Variants in RGL1 observed in about 807,000 individuals in gnomAD.
RGL1 encodes the protein ral guanine nucleotide dissociation stimulator-like 1.
In RGL1, 24 loss-of-function variants were observed where a neutral mutation model predicts 95.2. The ratio of observed to expected loss-of-function variants is 0.25; its 90% confidence interval spans 0.18 to 0.35. RGL1 has a LOEUF of 0.35. RGL1 is among the 10% of genes least tolerant of loss of function. The pLI is 1.00. For missense variants in RGL1, 715 were observed against 936.3 expected (o/e 0.76, Z 3.08); for synonymous variants, 329 against 344.9 (o/e 0.95, Z 0.51).
At chr1:183,841,779 T>C (rs1664078060) in intron 2 of RGL1, among the ~76,000 whole-genome samples, 1 of 152,204 alleles carries the variant, frequency 6.6e-6, no homozygotes, top group Non-Finnish European at 1.5e-5. Flanking sequence ...TATGGAGAGA[T>C]GAGCAGAGCT....
At chr1:183,893,519 A>G (rs1459295951) in intron 9 of RGL1, among the ~76,000 whole-genome samples, 1 of 152,232 alleles carries the variant, frequency 6.6e-6, no homozygotes, top group African/African-American at 2.4e-5. Flanking sequence ...CTTAGGGAAG[A>G]TACTTGGAGT....
intron 1 of RGL1, among the ~76,000 whole-genome samples, chr1:183,656,163 TG>T (rs1376319419): frequency 6.6e-6 from 1 of 151,238 alleles, no homozygotes; most frequent in East Asian, 1.9e-4. Context: ...GAAGTCCCCT[TG>T]GCTCTCTAAC....
At chr1:183,747,255 A>C (rs1481441611) in intron 2 of RGL1, among the ~76,000 whole-genome samples, 3 of 152,204 alleles carry the variant, frequency 2.0e-5, no homozygotes, top group African/African-American at 7.2e-5. Flanking sequence ...TGGTTGAACT[A>C]ATTTACACTT....
upstream of RGL1, among the ~76,000 whole-genome samples, chr1:183,803,244 G>T (rs921259279): frequency 5.9e-5 from 9 of 152,194 alleles, no homozygotes; most frequent in South Asian, 8.3e-4. Context: ...ACTGAGTCTG[G>T]ATAAATATGG....
chr1:183,794,771 G>C (rs1349012295), intron 2 of RGL1, among the ~76,000 whole-genome samples: 1 of 152,070 alleles, frequency 6.6e-6, no homozygotes, highest in Admixed American at 6.6e-5. Flanking sequence ...TTCTTCAAAG[G>C]TGGTGGTTAA....
At chr1:183,722,646 C>T (rs1656077149) in intron 1 of RGL1, among the ~76,000 whole-genome samples, 1 of 152,182 alleles carries the variant, frequency 6.6e-6, no homozygotes, top group Non-Finnish European at 1.5e-5. Flanking sequence ...TTTTCGGAAA[C>T]TATGCATGTC....
At chr1:183,705,009 G>A (rs551231920) in intron 1 of RGL1, among the ~76,000 whole-genome samples, 5 of 152,184 alleles carry the variant, frequency 3.3e-5, no homozygotes, top group Admixed American at 6.5e-5. Flanking sequence ...AAGGAGAAAG[G>A]TTTGGTGAGG....
chr1:183,724,662 A>G lies in RGL1; in HGVS notation c.-32-17464A>G, dbSNP rs1192346377. On this transcript the variant is annotated intron_variant, in intron 1 of 18. Coordinates refer to the RGL1 transcript ENST00000304685. The surrounding 1 kb of genome is among the most constrained non-coding windows in gnomAD (Gnocchi z 4.1). ...CACAGCAGCAGTAGAATAGAGCACC[A>G]GGGAGATTCCTAAGATTTCCAACTC... 6.6e-6 allele frequency among the ~76,000 whole-genome samples: 1 copy of G among 152,138 alleles called. No homozygotes were observed. Among genetic ancestry groups the G allele is most frequent in the Non-Finnish European group, 1.5e-5 (1 of 68,026 alleles).
At chr1:183,810,214 T>G (rs773752697) in intron 2 of RGL1, among the ~76,000 whole-genome samples, 2 of 152,224 alleles carry the variant, frequency 1.3e-5, no homozygotes, top group Non-Finnish European at 2.9e-5. Context: ...GTTCATGCTG[T>G]TGTCTTCAGA....
At chr1:183,915,991 TG>T (rs1324091354) in intron 15 of RGL1, among the ~76,000 whole-genome samples, 3 of 152,228 alleles carry the variant, frequency 2.0e-5, no homozygotes, top group Non-Finnish European at 1.5e-5. Flanking sequence ...CCGTATAATC[TG>T]GGGTACTTCT....
At chr1:183,908,582 A>C (rs1354728802) in intron 14 of RGL1, among the ~76,000 whole-genome samples, 1 of 152,116 alleles carries the variant, frequency 6.6e-6, no homozygotes, top group Non-Finnish European at 1.5e-5. Context: ...TCATCTTTGC[A>C]GATATGGGGG....
At chr1:183,849,084 T>A (rs5779191) in intron 3 of RGL1, among the ~76,000 whole-genome samples, 97,308 of 137,768 alleles carry the variant, frequency 0.71, 31,497 homozygotes, top group African/African-American at 0.72. Flanking sequence ...ATTTAAAAAA[T>A]TTTTTTTTTC....
At chr1:183,912,395 G>A (rs1230273490) in intron 15 of RGL1, 127 bp downstream of exon 15, 4 of 764,566 alleles carry the variant, frequency 5.2e-6, no homozygotes, top group Non-Finnish European at 6.0e-6. Flanking sequence ...GTTTTGAACA[G>A]GCATCAAAAG....
intron 2 of RGL1, among the ~76,000 whole-genome samples, chr1:183,829,269 G>A (rs949182608): frequency 2.0e-5 from 3 of 151,752 alleles, no homozygotes; most frequent in South Asian, 4.2e-4. Context: ...GTGAGACCTC[G>A]TCTCTATGAA....
chr1:183,885,949 G>GT (rs914052100), intron 7 of RGL1, among the ~76,000 whole-genome samples: 1,586 of 146,998 alleles, frequency 0.011, 23 homozygotes, highest in African/African-American at 0.031. Context: ...GATTAGAGAG[G>GT]TTTTTTTTTT....
intron 3 of RGL1, among the ~76,000 whole-genome samples, chr1:183,861,081 A>G (rs1665487390): frequency 6.6e-6 from 1 of 152,222 alleles, no homozygotes; most frequent in Non-Finnish European, 1.5e-5. Context: ...TCTCATCTGT[A>G]GAATAGGAAT....
chr1:183,805,971 C>CT (rs751229707), intron 1 of RGL1, among the ~76,000 whole-genome samples: 5 of 74,642 alleles, frequency 6.7e-5, no homozygotes, highest in African/African-American at 1.0e-4. Context: ...CTTTTCTTTT[C>CT]TTTTTTTTTT....
intron 14 of RGL1, among the ~76,000 whole-genome samples, chr1:183,908,423 G>T (rs184282337): frequency 6.6e-6 from 1 of 152,158 alleles, no homozygotes; most frequent in East Asian, 1.9e-4. Flanking sequence ...TGGAACATGC[G>T]CTTTAGTAGA....
At chr1:183,660,440 A>C (rs574455407) in intron 1 of RGL1, among the ~76,000 whole-genome samples, 3 of 151,736 alleles carry the variant, frequency 2.0e-5, no homozygotes, top group African/African-American at 7.3e-5. Flanking sequence ...TTAAACCAAC[A>C]AAGATCAAAA....
Sources: allele counts gnomAD v4.1 joint callset (sites outside exome capture counted in the v4.1 genomes callset), GRCh38; gene constraint gnomAD v4.1.1; non-coding constraint Gnocchi (gnomAD v3.1); transcripts MANE v1.5; gene names NCBI Gene and HGNC (gene_info 2026-07-23, HGNC 2026-07-21).